The following PRKG1 variants were observed in gnomAD, a reference collection of about 807,000 sequenced individuals.
PRKG1 encodes the protein cGMP-dependent protein kinase 1.
In PRKG1, 35 loss-of-function variants were observed where a neutral mutation model predicts 88.1. The ratio of observed to expected loss-of-function variants is 0.40; its 90% CI spans 0.30 to 0.53. PRKG1 has a LOEUF of 0.53. PRKG1 is among the 20% of genes least tolerant of loss of function. The pLI is 0.59. For synonymous variants in PRKG1, 303 were observed against 292.5 expected (o/e 1.04, Z -0.37); for missense variants, 540 against 839.8 (o/e 0.64, Z 4.41).
intron 7 of PRKG1, among the ~76,000 whole-genome samples, chr10:52,077,464 G>A (rs1240065288): frequency 6.6e-6 from 1 of 152,174 alleles, no homozygotes; most frequent in East Asian, 1.9e-4. Flanking sequence ...AGGAGACAGA[G>A]ATTATAAAGG....
At chr10:51,302,886 T>C (rs970301585) in intron 2 of PRKG1, 1 of 152,212 alleles carries the variant, frequency 6.6e-6, no homozygotes, top group Non-Finnish European at 1.5e-5. Context: ...CTTGAAACTC[T>C]ATTTTACAGT....
rs999453293 is a variant in PRKG1, at chr10:51,657,532, T to C, written c.593-147053T>C. 1.3e-4 allele frequency among the ~76,000 whole-genome samples: 20 copies of C among 152,262 alleles called. No homozygotes were observed. In the East Asian group the frequency reaches 3.7e-3, roughly 28 times the overall value. ...AATTATAAGAATCAAACTGTCCTTG[T>C]GCCCCAGGATCGTGGAGTGATTCAG... On this transcript the variant is annotated intron_variant, in intron 3 of 17. Transcript: ENST00000373980.
chr10:50,994,084 C>A (rs1053702327), intron 1 of PRKG1, among the ~76,000 whole-genome samples: 1 of 152,072 alleles, frequency 6.6e-6, no homozygotes, highest in Non-Finnish European at 1.5e-5. Context: ...TCCCACTCAG[C>A]GTTTAGTTTC....
At chr10:51,906,010 T>A (rs1191285218) in intron 4 of PRKG1, among the ~76,000 whole-genome samples, 1 of 152,074 alleles carries the variant, frequency 6.6e-6, no homozygotes, top group Non-Finnish European at 1.5e-5. Context: ...AGTACGAGAT[T>A]AAAGAGATCG....
intron 1 of PRKG1, among the ~76,000 whole-genome samples, chr10:51,012,517 G>C (rs1398075688): frequency 6.6e-6 from 1 of 152,088 alleles, no homozygotes; most frequent in African/African-American, 2.4e-5. Context: ...ACCACCCATG[G>C]GCATACAATC....
At chr10:51,000,412 GA>G (rs1291802413) in intron 1 of PRKG1, among the ~76,000 whole-genome samples, 3 of 152,008 alleles carry the variant, frequency 2.0e-5, no homozygotes, top group African/African-American at 2.4e-5. Flanking sequence ...AATCACTGCA[GA>G]AAAAAATGTT....
intron 1 of PRKG1, among the ~76,000 whole-genome samples, chr10:51,134,865 G>A (rs780197781): frequency 3.5e-4 from 54 of 152,136 alleles, no homozygotes; most frequent in African/African-American, 1.1e-3. Context: ...ATTGTTAATC[G>A]TAGAAAAGTA....
intron 1 of PRKG1, among the ~76,000 whole-genome samples, chr10:51,119,148 T>C (rs1166290733): frequency 1.3e-5 from 2 of 152,084 alleles, no homozygotes; most frequent in Non-Finnish European, 2.9e-5. Flanking sequence ...GCTAAATTCA[T>C]ATTATTTGTA....
chr10:52,038,402 G>A (rs1007802549), intron 5 of PRKG1, among the ~76,000 whole-genome samples: 11 of 151,808 alleles, frequency 7.2e-5, no homozygotes, highest in Non-Finnish European at 1.2e-4. Context: ...TAAGGGGTAG[G>A]GGCACGGAAA....
At chr10:51,697,514 C>T (rs1189632066) in intron 3 of PRKG1, 3 of 619,082 alleles carry the variant, frequency 4.8e-6, no homozygotes, top group Non-Finnish European at 8.3e-6. Flanking sequence ...CTCCCTCCTC[C>T]CCCCACCCTC....
intron 2 of PRKG1, among the ~76,000 whole-genome samples, chr10:51,349,242 G>A (rs534681792): frequency 2.6e-4 from 40 of 152,210 alleles, no homozygotes; most frequent in Middle Eastern, 3.4e-3. Flanking sequence ...GGAAGACTAC[G>A]GATTTCTGTT....
At chr10:52,112,297 A>G (rs1847582661) in intron 7 of PRKG1, among the ~76,000 whole-genome samples, 1 of 152,084 alleles carries the variant, frequency 6.6e-6, no homozygotes, top group Admixed American at 6.6e-5. Flanking sequence ...TATTATAATT[A>G]TTTTGTGATT....
chr10:51,296,091 G>T (rs1251272782), intron 2 of PRKG1, among the ~76,000 whole-genome samples: 1 of 151,958 alleles, frequency 6.6e-6, no homozygotes, highest in Non-Finnish European at 1.5e-5. Context: ...TTTTATTGAG[G>T]ATTTTTGCAT....
intron 5 of PRKG1, among the ~76,000 whole-genome samples, chr10:51,966,350 G>C (rs1344464151): frequency 1.3e-5 from 2 of 151,974 alleles, no homozygotes; most frequent in Non-Finnish European, 2.9e-5. Context: ...TCCTTTCTCT[G>C]TGGCCTGTGG....
chr10:51,584,129 T>A (rs186603444), intron 3 of PRKG1, among the ~76,000 whole-genome samples: 59 of 152,228 alleles, frequency 3.9e-4, no homozygotes, highest in African/African-American at 1.4e-3. Flanking sequence ...TTAATTAATT[T>A]GTTTCCACTA....
intron 2 of PRKG1, among the ~76,000 whole-genome samples, chr10:51,177,942 TAAGAA>T (rs1053208876): frequency 3.3e-5 from 5 of 152,056 alleles, no homozygotes; most frequent in African/African-American, 1.2e-4. Context: ...ATTTACTGTG[TAAGAA>T]AAGTAAAAAA....
At chr10:51,259,109 G>T (rs1197591219) in intron 2 of PRKG1, among the ~76,000 whole-genome samples, 3 of 152,152 alleles carry the variant, frequency 2.0e-5, no homozygotes, top group African/African-American at 7.2e-5. Context: ...TATATGAAAA[G>T]TGTAAAATTT....
intron 4 of PRKG1, among the ~76,000 whole-genome samples, chr10:51,845,841 A>G (rs1461004731): frequency 2.0e-5 from 3 of 152,154 alleles, no homozygotes; most frequent in Non-Finnish European, 4.4e-5. Flanking sequence ...TAGTTGATGA[A>G]CTATTCCTCA....
chr10:51,698,938 T>G (rs146358831), intron 3 of PRKG1: 1 of 1,614,186 alleles, frequency 6.2e-7, no homozygotes, highest in South Asian at 1.1e-5. Context: ...CAGACTGAGA[T>G]TTGCCTGGGA....
Sources: allele counts gnomAD v4.1 joint callset (sites outside exome capture counted in the v4.1 genomes callset), GRCh38; gene constraint gnomAD v4.1.1; transcripts MANE v1.5; gene names NCBI Gene and HGNC (gene_info 2026-07-23, HGNC 2026-07-21).